Variants in NRXN1 observed in about 807,000 individuals in gnomAD.
The protein encoded by NRXN1 is neurexin 1, also known as neurexin-1.
Under a neutral mutation model 150.9 loss-of-function variants are expected in NRXN1, and 39 were observed. The ratio of observed to expected loss-of-function variants is 0.26; its 90% confidence interval spans 0.20 to 0.34. The LOEUF (loss-of-function observed/expected upper bound fraction) is 0.34, where lower values mean the gene tolerates loss of function less well. NRXN1 is among the 10% of genes least tolerant of loss of function. The pLI, the probability that NRXN1 is intolerant of heterozygous loss-of-function variation, is 1.00. For missense variants in NRXN1, 1,815 were observed against 1,949.9 expected (o/e 0.93, Z 1.30); for synonymous variants, 924 against 757.0 (o/e 1.22, Z -3.62).
intron 17 of NRXN1, among the ~76,000 whole-genome samples, chr2:50,263,486 T>A (rs955473815): frequency 6.6e-6 from 1 of 152,072 alleles, no homozygotes; most frequent in Non-Finnish European, 1.5e-5. Flanking sequence ...CAAACACATA[T>A]GAACAATTCT....
intron 8 of NRXN1, among the ~76,000 whole-genome samples, chr2:50,595,912 G>A (rs756562220): frequency 6.6e-6 from 1 of 152,194 alleles, no homozygotes; most frequent in Non-Finnish European, 1.5e-5. Flanking sequence ...TAAACACTGT[G>A]TTATAGAGGC....
chr2:50,129,406 T>C (rs1705130577), intron 18 of NRXN1, among the ~76,000 whole-genome samples: 2 of 152,196 alleles, frequency 1.3e-5, no homozygotes, highest in Admixed American at 6.5e-5. Context: ...CACTGAAATA[T>C]GTTTAAAAGC....
chr2:50,722,451 C>A (rs139932941), intron 5 of NRXN1, among the ~76,000 whole-genome samples: 2 of 152,116 alleles, frequency 1.3e-5, no homozygotes, highest in Non-Finnish European at 2.9e-5. Flanking sequence ...TACCACATAG[C>A]CATTAAAATC....
chr2:50,753,978 A>T (rs772473036), intron 5 of NRXN1, among the ~76,000 whole-genome samples: 5 of 144,724 alleles, frequency 3.5e-5, no homozygotes, highest in South Asian at 4.8e-4. Flanking sequence ...GGGGGGCGGA[A>T]TTCCCAATGG....
At chr2:49,998,264 T>G (rs957548384) in intron 21 of NRXN1, among the ~76,000 whole-genome samples, 3 of 152,186 alleles carry the variant, frequency 2.0e-5, no homozygotes, top group African/African-American at 7.2e-5. Context: ...CTATAAATGA[T>G]GCCTCCTAAC....
At chr2:50,801,235 T>C (rs2105692351) in intron 5 of NRXN1, among the ~76,000 whole-genome samples, 1 of 152,302 alleles carries the variant, frequency 6.6e-6, no homozygotes, top group South Asian at 2.1e-4. Flanking sequence ...TTAGCATTTC[T>C]ACAAAACTCA....
chr2:50,681,832 T>C (rs1383727143), intron 5 of NRXN1, among the ~76,000 whole-genome samples: 2 of 152,064 alleles, frequency 1.3e-5, no homozygotes, highest in East Asian at 1.9e-4. Flanking sequence ...ACTTATTAGA[T>C]ACAGTGATAG....
chr2:50,977,316 T>C (rs905507105), intron 2 of NRXN1, among the ~76,000 whole-genome samples: 7 of 151,878 alleles, frequency 4.6e-5, no homozygotes, highest in Admixed American at 3.3e-4. Context: ...AAAATCTAAT[T>C]TTTCATATGT....
At chr2:49,944,410 G>A (rs1672527898) in intron 21 of NRXN1, among the ~76,000 whole-genome samples, 1 of 152,108 alleles carries the variant, frequency 6.6e-6, no homozygotes, top group South Asian at 2.1e-4. Flanking sequence ...AGCAGGTATT[G>A]CTTCCTCATC....
chr2:50,407,169 G>C (rs1174262272), intron 17 of NRXN1, among the ~76,000 whole-genome samples: 3 of 151,868 alleles, frequency 2.0e-5, no homozygotes, highest in African/African-American at 4.8e-5. Context: ...CCAAATGATG[G>C]GAAAATTTAA....
chr2:50,863,532 C>T (rs1676441457), intron 5 of NRXN1, among the ~76,000 whole-genome samples: 1 of 151,876 alleles, frequency 6.6e-6, no homozygotes, highest in African/African-American at 2.4e-5. Context: ...CCTTTCACAC[C>T]CCATAGCTTC....
At position 50,341,397 on chromosome 2, in the gene NRXN1, T is replaced by TAA. The variant is rs71904122; in HGVS notation, c.3365-104429_3365-104428dup. Among the ~76,000 whole-genome samples, 1,404 of 145,158 alleles carry TAA rather than the reference T, an allele frequency of 9.7e-3. 6 individuals are homozygous for TAA. Among genetic ancestry groups the TAA allele is most frequent in the Middle Eastern group, 0.029 (8 of 274 alleles). ...TCTAAAGTCTCTTTTAAGTATTTCTTAAAAAAAAAAAAAAATCATTGGGAA... is the reference window on the plus strand; with the variant it reads ...TCTAAAGTCTCTTTTAAGTATTTCTTAAAAAAAAAAAAAAAAATCATTGGGAA... On this transcript the variant is annotated intron_variant, in intron 17 of 22. Transcript: ENST00000401669.
At chr2:50,134,863 G>A (rs542797567) in intron 18 of NRXN1, among the ~76,000 whole-genome samples, 32 of 152,222 alleles carry the variant, frequency 2.1e-4, no homozygotes, top group African/African-American at 7.2e-4. Context: ...GAAATAGCAC[G>A]GCTGATATAT....
chr2:50,673,643 A>G (rs985452735), intron 5 of NRXN1, among the ~76,000 whole-genome samples: 4 of 152,088 alleles, frequency 2.6e-5, no homozygotes, highest in African/African-American at 9.7e-5. Context: ...AAATTATGTA[A>G]CCAGCAAACA....
At chr2:50,042,353 T>G (rs910112395) in intron 21 of NRXN1, among the ~76,000 whole-genome samples, 4 of 152,156 alleles carry the variant, frequency 2.6e-5, no homozygotes, top group African/African-American at 4.8e-5. Flanking sequence ...TGATGGTAAG[T>G]TCTCATGAGA....
intron 9 of NRXN1, among the ~76,000 whole-genome samples, chr2:50,548,541 A>T (rs1212164186): frequency 6.0e-5 from 9 of 150,282 alleles, no homozygotes; most frequent in South Asian, 2.1e-4. Context: ...ATTTTATTTT[A>T]TTTTTTTTTA....
intron 16 of NRXN1, among the ~76,000 whole-genome samples, chr2:50,470,262 T>C (rs1243319903): frequency 6.6e-6 from 1 of 151,770 alleles, no homozygotes; most frequent in Non-Finnish European, 1.5e-5. Flanking sequence ...CATTCTTGTG[T>C]TCATCCACTA....
chr2:50,499,977 C>A (rs1212357509), intron 13 of NRXN1, among the ~76,000 whole-genome samples: 2 of 148,358 alleles, frequency 1.3e-5, no homozygotes, highest in Non-Finnish European at 3.0e-5. Flanking sequence ...GTCATATGGG[C>A]TTTGATATCC....
At chr2:50,827,403 T>A (rs927649791) in intron 5 of NRXN1, among the ~76,000 whole-genome samples, 1 of 152,156 alleles carries the variant, frequency 6.6e-6, no homozygotes, top group Non-Finnish European at 1.5e-5. Context: ...GCTTATAAAA[T>A]ACTCTGGGGA....
Sources: allele counts gnomAD v4.1 joint callset (sites outside exome capture counted in the v4.1 genomes callset), GRCh38; gene constraint gnomAD v4.1.1; transcripts MANE v1.5; gene names NCBI Gene and HGNC (gene_info 2026-07-23, HGNC 2026-07-21).